MRPL19: variants seen among roughly 807,000 people sequenced by gnomAD.
MRPL19 encodes the protein large ribosomal subunit protein bL19m.
A neutral mutation model predicts 34.0 loss-of-function variants in MRPL19; 31 were observed. The observed-to-expected ratio is 0.91, with a 90% CI of 0.68 to 1.23. The LOEUF (loss-of-function observed/expected upper bound fraction) is 1.23, where lower values mean the gene tolerates loss of function less well. Ranked by LOEUF, MRPL19 falls within the 50% of genes most tolerant of loss-of-function variation. The pLI is 0.00. For synonymous variants in MRPL19, 152 were observed against 127.7 expected (o/e 1.19, Z -1.28); for missense variants, 384 against 367.6 (o/e 1.04, Z -0.37).
At position 75,661,332 on chromosome 2, in the gene MRPL19, T is replaced by C. The variant is rs753653899; in HGVS notation, c.*6047T>C. ...GCCTGTTCCTGCTTTAAAAAATATATATATATTTTTTAGGGATTGGGGTCT... is the reference window on the plus strand; with the variant it reads ...GCCTGTTCCTGCTTTAAAAAATATACATATATTTTTTAGGGATTGGGGTCT... On this transcript the variant is annotated 3_prime_UTR_variant, in exon 6 of 6. Transcript: ENST00000393909. 2.0e-5 allele frequency: 3 copies of C among 152,120 alleles called. No individual in the cohort carries two copies. The highest frequency in any genetic ancestry group is 4.4e-5 in the Non-Finnish European group (3 of 68,036). The allele number at this position is 152,120 out of a possible 1,614,324, so 9.4% of individuals were successfully genotyped here. A position where few individuals can be genotyped will look rare whatever the true frequency, so the allele number is the denominator to read the frequency against.
Position 75,656,116 on chromosome 2 carries a change from T to C in MRPL19, c.*831T>C, listed in dbSNP as rs1678446088. ...ACTGGGTAGCTGGATGTTGCAGAAA[T>C]GTGGTTAGAGGAAGTAAACTGTTTT... On this transcript the variant is annotated 3_prime_UTR_variant, in exon 6 of 6. Coordinates refer to ENST00000393909, the MANE Select transcript of MRPL19 (RefSeq NM_014763.4). 6.6e-6 allele frequency: 1 copy of C among 152,156 alleles called. No individual in the cohort carries two copies. The highest frequency in any genetic ancestry group is 6.5e-5 in the Admixed American group (1 of 15,278). 9.4% of individuals were successfully genotyped at this position (152,156 alleles called of 1,614,324 possible). A position where few individuals can be genotyped will look rare whatever the true frequency, so the allele number is the denominator to read the frequency against.
Position 75,655,192 on chromosome 2 carries a change from G to T in MRPL19, c.786G>T (p.Gln262His). ...QQMKEAQKWN[Q>H]PWLEFDMMRE... ...TGAAAGAAGCTCAGAAGTGGAATCA[G>T]CCATGGCTTGAATTTGATATGATGA... The change falls in exon 6 of 6, where the codon CAG (glutamine) becomes CAT (histidine). Residue 262 changes from glutamine (Q) to histidine (H), a missense_variant. Transcript: ENST00000393909. The T allele has an allele frequency of 6.2e-7, 1 of 1,613,526 alleles. No individual in the cohort carries two copies.
rs573017849 is a variant in MRPL19 at position 75,655,006 on chromosome 2, TC to T, written c.658-57del. 763 of 1,418,668 alleles carry T rather than the reference TC, an allele frequency of 5.4e-4. 11 individuals carry two copies. The East Asian group carries it at 0.018, about 33-fold the overall frequency. 87.9% of individuals were successfully genotyped at this position (1,418,668 alleles called of 1,614,324 possible). On this transcript the variant is annotated intron_variant, in intron 5 of 5. Transcript: ENST00000393909. ...ATGAAAACTTCAGAAGAATTTTTGC[TC>T]ATGCCTATCAGCCTAATTATTGCTT...
intron 2 of MRPL19, chr2:75,647,584 G>T (rs1678251554): frequency 5.5e-6 from 1 of 181,656 alleles, no homozygotes; most frequent in African/African-American, 2.3e-5. Flanking sequence ...GATAGGAATC[G>T]ATTGGCCAAC....
chr2:75,651,479 CAT>C, intron 2 of MRPL19: 1 of 527,228 alleles, frequency 1.9e-6, no homozygotes, highest in Non-Finnish European at 3.9e-6. Flanking sequence ...CTAGTGCAGT[CAT>C]ATACCATCTC....
At chr2:75,648,994 A>G (rs1678276475) in intron 2 of MRPL19, among the ~76,000 whole-genome samples, 2 of 152,242 alleles carry the variant, frequency 1.3e-5, no homozygotes, top group Admixed American at 6.5e-5. Flanking sequence ...ACCTAACTTT[A>G]CCAGTATTGG....
At position 75,648,745 on chromosome 2, in the gene MRPL19, T is replaced by G. The variant is rs1678270739; in HGVS notation, c.221+1526T>G. ...TTAGCCAGGTGTGGTGGCATGTGCC[T>G]ATAATCCCAGTTACTCGAGAGGCTG... On this transcript the variant is annotated intron_variant, in intron 2 of 5. Coordinates refer to ENST00000393909, the MANE Select transcript of MRPL19 (RefSeq NM_014763.4). Among the ~76,000 whole-genome samples, 5 of 150,684 alleles carry G rather than the reference T, an allele frequency of 3.3e-5. No individual in the cohort carries two copies. The South Asian group carries it at 1.1e-3, about 32-fold the overall frequency.
At position 75,661,176 on chromosome 2, in the gene MRPL19, T is replaced by G. The variant is rs1255084940; in HGVS notation, c.*5891T>G. 2 of 152,136 alleles carry G rather than the reference T, an allele frequency of 1.3e-5. No individual in the cohort carries two copies. Among genetic ancestry groups the G allele is most frequent in the African/African-American group, 4.8e-5 (2 of 41,422 alleles). 9.4% of individuals were successfully genotyped at this position (152,136 alleles called of 1,614,324 possible). A position where few individuals can be genotyped will look rare whatever the true frequency, so the allele number is the denominator to read the frequency against. On this transcript the variant is annotated 3_prime_UTR_variant, in exon 6 of 6. Coordinates refer to ENST00000393909, the MANE Select transcript of MRPL19 (RefSeq NM_014763.4). ...AAGACTGCTGCAACACCAGGGAGCT[T>G]GTGGGGGAAGGGCAAGCAGAAATGT...
rs1212385937 is a variant in MRPL19 at position 75,647,169 on chromosome 2, G to A, written c.171G>A (p.Pro57=). The A allele has an allele frequency of 1.3e-6, 2 of 1,579,044 alleles. No homozygotes were observed. The highest frequency in any genetic ancestry group is 1.7e-6 in the Non-Finnish European group (2 of 1,161,938). ...CCGAGCCCGGTGCGTTCCAACCGCCGCCGAAACCGGTCATCGTGGACAAGC... is the reference window on the plus strand; with the variant it reads ...CCGAGCCCGGTGCGTTCCAACCGCCACCGAAACCGGTCATCGTGGACAAGC... ...GPSEPGAFQP[P]PKPVIVDKHR... Residue 57 remains proline (P), a synonymous_variant, in exon 2 of 6, where the codon CCG becomes CCA. Coordinates refer to ENST00000393909, the MANE Select transcript of MRPL19 (RefSeq NM_014763.4).
Position 75,652,544 on chromosome 2 carries a change from C to T in MRPL19, c.362C>T (p.Thr121Ile), listed in dbSNP as rs762467054. 3 of 1,613,678 alleles carry T rather than the reference C, an allele frequency of 1.9e-6. No individual in the cohort carries two copies. The Admixed American group carries it at 5.0e-5, about 27-fold the overall frequency. Residue 121 changes from threonine (T) to isoleucine (I), a missense_variant, in exon 4 of 6, where the codon ACA becomes ATA. Thr to Ile is a moderately conservative substitution (Grantham distance 89). Coordinates refer to ENST00000393909, the MANE Select transcript of MRPL19 (RefSeq NM_014763.4). ...GTAGGAAGTATTCTTCGTGTTACTA[C>T]AGCTGACCCATATGCCAGTGGAAAA... ...FYVGSILRVT[T>I]ADPYASGKIS...
At chr2:75,648,564 G>A (rs532906830) in intron 2 of MRPL19, among the ~76,000 whole-genome samples, 1 of 152,236 alleles carries the variant, frequency 6.6e-6, no homozygotes, top group Non-Finnish European at 1.5e-5. Flanking sequence ...TTTTTATGAA[G>A]TTTTAAAACT....
At chr2:75,654,644 C>G (rs1479108228) in intron 4 of MRPL19, 92 bp from the exon 5 acceptor site, 1 of 1,196,714 alleles carries the variant, frequency 8.4e-7, no homozygotes, top group Non-Finnish European at 1.1e-6. Context: ...AAACTTTGTG[C>G]TAATTCCTTT....
rs57326416 is a variant in MRPL19, at chr2:75,658,940, CTTGTT to C, written c.*3668_*3672del. 2.6e-5 allele frequency among the ~76,000 whole-genome samples: 4 copies of C among 151,154 alleles called. No individual in the cohort carries two copies. Among genetic ancestry groups the C allele is most frequent in the Non-Finnish European group, 5.9e-5 (4 of 67,752 alleles). ...TCTCTTGTAGACAGCATATCACTAT[CTTGTT>C]TTGTTTTGTTTTTTCTGTCCATTCT... On this transcript the variant is annotated 3_prime_UTR_variant, in exon 6 of 6. Transcript: ENST00000393909.
intron 2 of MRPL19, chr2:75,651,735 G>A (rs1206389635): frequency 1.5e-5 from 4 of 264,454 alleles, no homozygotes; most frequent in Admixed American, 4.7e-5. Context: ...TCAGTGTGAG[G>A]CCTGTAGTAA....
rs747295341 is a variant in MRPL19 at position 75,659,962 on chromosome 2, CTTCT to C, written c.*4684_*4687del. On this transcript the variant is annotated 3_prime_UTR_variant, in exon 6 of 6. Coordinates refer to ENST00000393909, the MANE Select transcript of MRPL19 (RefSeq NM_014763.4). The stretch of plus-strand genomic sequence containing the variant: ...ATTATTTCTTCAATTTTTTTCACTG[CTTCT>C]TTCTTTTCCTTCTGAAATATTCTTA... 3.3e-5 allele frequency among the ~76,000 whole-genome samples: 5 copies of C among 151,982 alleles called. No homozygotes were observed. Among genetic ancestry groups the C allele is most frequent in the African/African-American group, 7.2e-5 (3 of 41,388 alleles).
At chr2:75,647,926 C>T (rs1187000380) in intron 2 of MRPL19, among the ~76,000 whole-genome samples, 3 of 152,050 alleles carry the variant, frequency 2.0e-5, no homozygotes, top group African/African-American at 7.2e-5. Flanking sequence ...CTCTCTCAGT[C>T]TCCCAGGCTG....
In MRPL19 at chr2:75,657,269, G is replaced by C. The variant is rs1678477722; in HGVS notation, c.*1984G>C. ...GGTTGTGGGAAGGGGCTGTCTTTAG[G>C]ATTATCTGAATGGGCTTTTTTGGGA... is the stretch of plus-strand genomic sequence containing the variant. On this transcript the variant is annotated 3_prime_UTR_variant, in exon 6 of 6. Coordinates refer to ENST00000393909, the MANE Select transcript of MRPL19 (RefSeq NM_014763.4). The C allele has an allele frequency of 6.6e-6, 1 of 152,046 alleles. No homozygotes were observed. Among genetic ancestry groups the C allele is most frequent in the Admixed American group, 6.6e-5 (1 of 15,266 alleles). The allele number at this position is 152,046 out of a possible 1,614,324, so 9.4% of individuals were successfully genotyped here.
At chr2:75,654,363 C>T (rs774052933) in intron 4 of MRPL19, among the ~76,000 whole-genome samples, 1 of 152,124 alleles carries the variant, frequency 6.6e-6, no homozygotes, top group African/African-American at 2.4e-5. Flanking sequence ...TCTTATTACT[C>T]TTAACATGGA....
intron 4 of MRPL19, 82 bp downstream of exon 4, chr2:75,652,739 A>T: frequency 6.8e-7 from 1 of 1,460,956 alleles, no homozygotes; most frequent in Non-Finnish European, 9.3e-7. Flanking sequence ...GGGATAAGAA[A>T]TCTGAAATTT....
Sources: allele counts gnomAD v4.1 joint callset (sites outside exome capture counted in the v4.1 genomes callset), GRCh38; gene constraint gnomAD v4.1.1; transcripts MANE v1.5; gene names NCBI Gene and HGNC (gene_info 2026-07-23, HGNC 2026-07-21).